IQSEC1: variants seen among roughly 807,000 people sequenced by gnomAD.
The protein encoded by IQSEC1 is IQ motif and SEC7 domain-containing protein 1.
In IQSEC1, 31 loss-of-function variants were observed where a neutral mutation model predicts 91.0. The observed-to-expected ratio is 0.34, with a 90% CI of 0.26 to 0.46. The LOEUF is 0.46. Among genes scored for constraint, IQSEC1 ranks in the 20% least tolerant of loss-of-function variants. IQSEC1 has a pLI of 1.00. For missense variants in IQSEC1, 1,388 were observed against 1,575.6 expected, an observed-to-expected ratio of 0.88 and a Z score of 2.02; for synonymous variants, 699 against 662.6, an observed-to-expected ratio of 1.05 and a Z score of -0.84.
chr3:12,912,306 G>A (rs980340039), intron 9 of IQSEC1, among the ~76,000 whole-genome samples: 2 of 152,176 alleles, frequency 1.3e-5, no homozygotes, highest in Non-Finnish European at 1.5e-5. Context: ...ACATCTCCCC[G>A]GTCTCCAGGG....
intron 1 of IQSEC1, among the ~76,000 whole-genome samples, chr3:13,215,715 G>A (rs116571663): frequency 0.015 from 2,343 of 152,318 alleles, 30 homozygotes; most frequent in Middle Eastern, 0.044. Flanking sequence ...CCCCTGGCAC[G>A]GGCTGGGCAG....
At chr3:13,234,326 G>T (rs1213834417) in intron 1 of IQSEC1, among the ~76,000 whole-genome samples, 1 of 134,484 alleles carries the variant, frequency 7.4e-6, no homozygotes, top group Admixed American at 7.8e-5. Flanking sequence ...TGTGCCTGTG[G>T]GTGTGAGCCC....
intron 2 of IQSEC1, among the ~76,000 whole-genome samples, chr3:13,123,191 C>G (rs1018482709): frequency 6.6e-6 from 1 of 152,222 alleles, no homozygotes; most frequent in South Asian, 2.1e-4. Flanking sequence ...TGGCTCAACA[C>G]GGAAGGCCTT....
At chr3:13,247,654 A>G (rs1039200668) in intron 1 of IQSEC1, among the ~76,000 whole-genome samples, 1 of 152,204 alleles carries the variant, frequency 6.6e-6, no homozygotes, top group Non-Finnish European at 1.5e-5. Context: ...TACAGTCTCG[A>G]TGCCATCACA....
chr3:13,226,771 G>T (rs534180129), intron 1 of IQSEC1, among the ~76,000 whole-genome samples: 2 of 152,240 alleles, frequency 1.3e-5, no homozygotes, highest in African/African-American at 4.8e-5. Flanking sequence ...GCTCTGGGAG[G>T]AAATCATGGA....
chr3:13,085,606 G>A (rs1007591754), intron 2 of IQSEC1, among the ~76,000 whole-genome samples: 8 of 152,186 alleles, frequency 5.3e-5, no homozygotes, highest in Non-Finnish European at 1.0e-4. Context: ...GAGCACCCAC[G>A]GTTGACAACA....
At chr3:13,278,438 C>T (rs1695731280) in intron 1 of IQSEC1, among the ~76,000 whole-genome samples, 1 of 152,234 alleles carries the variant, frequency 6.6e-6, no homozygotes, top group South Asian at 2.1e-4. Flanking sequence ...TCTGGGCTTT[C>T]TCCAGCTTGA....
chr3:13,170,632 G>A (rs1183244614), intron 1 of IQSEC1, among the ~76,000 whole-genome samples: 1 of 152,206 alleles, frequency 6.6e-6, no homozygotes, highest in Admixed American at 6.5e-5. Context: ...AACCAAGAGG[G>A]CCGCTCTAGT....
chr3:13,229,009 G>T (rs1443740551), intron 1 of IQSEC1, among the ~76,000 whole-genome samples: 1 of 152,104 alleles, frequency 6.6e-6, no homozygotes, highest in Non-Finnish European at 1.5e-5. Flanking sequence ...CTAGAGCCTG[G>T]CCTGGTGCCT....
intron 2 of IQSEC1, among the ~76,000 whole-genome samples, chr3:13,123,604 A>C (rs1433519346): frequency 3.3e-5 from 5 of 152,240 alleles, no homozygotes; most frequent in African/African-American, 1.2e-4. Context: ...CCCAAGTGCC[A>C]CCAGCCAGCC....
intron 1 of IQSEC1, among the ~76,000 whole-genome samples, chr3:12,988,509 A>C (rs887428290): frequency 6.6e-6 from 1 of 152,228 alleles, no homozygotes; most frequent in African/African-American, 2.4e-5. Flanking sequence ...TGCAACTTTG[A>C]GCAAAAGGAG....
intron 1 of IQSEC1, among the ~76,000 whole-genome samples, chr3:12,984,337 G>A (rs964235526): frequency 6.6e-6 from 1 of 152,148 alleles, no homozygotes; most frequent in African/African-American, 2.4e-5. Context: ...CCACATGTAG[G>A]GCCCCTGAGT....
rs149701110 is a variant in IQSEC1 at position 13,224,900 on chromosome 3, G to A, written c.272+57811C>T. Among the ~76,000 whole-genome samples, 677 of 152,312 alleles carry A rather than the reference G, an allele frequency of 4.4e-3. 6 individuals carry two copies. Among genetic ancestry groups the A allele is most frequent in the African/African-American group, 0.016 (650 of 41,572 alleles). On this transcript the variant is annotated intron_variant, in intron 1 of 15. Coordinates refer to the IQSEC1 transcript ENST00000648114. Reference sequence around the variant, plus strand: ...AACAATTCCATCAGCAAAGCATACCGGATGCCCCACGGGGACGTGTCCAGC... The same window carrying A: ...AACAATTCCATCAGCAAAGCATACCAGATGCCCCACGGGGACGTGTCCAGC...
At chr3:13,015,327 C>G (rs1026888329) in intron 1 of IQSEC1, among the ~76,000 whole-genome samples, 1 of 152,154 alleles carries the variant, frequency 6.6e-6, no homozygotes, top group African/African-American at 2.4e-5. Context: ...TGGTCTAACG[C>G]GCAGGGGAGC....
At chr3:12,991,341 CA>C (rs958669907) in intron 1 of IQSEC1, among the ~76,000 whole-genome samples, 2 of 152,162 alleles carry the variant, frequency 1.3e-5, no homozygotes, top group African/African-American at 4.8e-5. Flanking sequence ...AGTGGAAAGG[CA>C]GGGGGCTCCA....
intron 2 of IQSEC1, among the ~76,000 whole-genome samples, chr3:13,121,662 TG>T (rs995736739): frequency 6.6e-6 from 1 of 152,098 alleles, no homozygotes; most frequent in African/African-American, 2.4e-5. Flanking sequence ...AGGCCAGCGC[TG>T]GGGGGACAGA....
At chr3:13,046,944 C>CA (rs1704518264) in intron 1 of IQSEC1, among the ~76,000 whole-genome samples, 1 of 152,228 alleles carries the variant, frequency 6.6e-6, no homozygotes, top group African/African-American at 2.4e-5. Context: ...CCTCTAAGCG[C>CA]AGTCTCCAGT....
intron 1 of IQSEC1, among the ~76,000 whole-genome samples, chr3:12,972,046 A>C (rs150102663): frequency 7.7e-6 from 1 of 130,522 alleles, no homozygotes; most frequent in South Asian, 2.4e-4. Context: ...AACAAACAAA[A>C]ACAAAAGGCC....
At chr3:13,121,296 CCT>C (rs1274074893) in intron 2 of IQSEC1, among the ~76,000 whole-genome samples, 9 of 152,214 alleles carry the variant, frequency 5.9e-5, no homozygotes. Context: ...TTTGTCACGC[CCT>C]GTGTTACATC....
Sources: allele counts gnomAD v4.1 joint callset (sites outside exome capture counted in the v4.1 genomes callset), GRCh38; gene constraint gnomAD v4.1.1; transcripts MANE v1.5; gene names NCBI Gene and HGNC (gene_info 2026-07-23, HGNC 2026-07-21).